N4BP2: variants seen among roughly 807,000 people sequenced by gnomAD.
The protein encoded by N4BP2 is NEDD4-binding protein 2.
In N4BP2, 91 loss-of-function variants were observed where a neutral mutation model predicts 152.8. The observed-to-expected ratio is 0.60, with a 90% CI of 0.50 to 0.71. The LOEUF (loss-of-function observed/expected upper bound fraction) is 0.71. N4BP2 is among the 30% of genes least tolerant of loss of function. The pLI is 0.00. For missense variants in N4BP2, 1,923 were observed against 2,059.1 expected (o/e 0.93, Z 1.28); for synonymous variants, 646 against 705.3 (o/e 0.92, Z 1.33).
chr4:40,184,433 G>C, the N4BP2 span, among the ~76,000 whole-genome samples: 1 of 151,380 alleles, frequency 6.6e-6, no homozygotes, highest in Non-Finnish European at 1.5e-5. Context: ...GAGAATCACT[G>C]AAGAGAATAA....
chr4:40,128,579 G>A (rs1718636389), intron 12 of N4BP2, among the ~76,000 whole-genome samples: 2 of 150,618 alleles, frequency 1.3e-5, no homozygotes, highest in South Asian at 4.2e-4. Context: ...CCAGGCTGGA[G>A]TGCAGTGGTG....
chr4:40,061,899 G>T (rs1445519026), intron 1 of N4BP2, among the ~76,000 whole-genome samples: 1 of 151,166 alleles, frequency 6.6e-6, no homozygotes, highest in Non-Finnish European at 1.5e-5. Flanking sequence ...TCCTGACCTC[G>T]GGTGATCTGC....
intron 14 of N4BP2, among the ~76,000 whole-genome samples, chr4:40,137,782 G>A (rs1489034092): frequency 7.9e-5 from 12 of 152,164 alleles, no homozygotes; most frequent in Admixed American, 7.9e-4. Flanking sequence ...TCTATGGGAA[G>A]GAATGGGTAA....
intron 5 of N4BP2, among the ~76,000 whole-genome samples, chr4:40,108,058 G>T (rs1419295628): frequency 6.6e-6 from 1 of 151,644 alleles, no homozygotes; most frequent in Non-Finnish European, 1.5e-5. Flanking sequence ...AGCCTGAGTA[G>T]TTGGGACTAT....
rs1317628873 is a variant in N4BP2, at chr4:40,156,274, A to G, written c.*2037A>G. On this transcript the variant is annotated 3_prime_UTR_variant, in exon 18 of 18. Coordinates refer to ENST00000261435, the MANE Select transcript of N4BP2 (RefSeq NM_018177.6). ...CGGCACTTCAGCTAGACTTATTTCA[A>G]TATTATAATTATGATTAATGAAGGA... is the stretch of plus-strand genomic sequence containing the variant. 2.6e-5 allele frequency: 4 copies of G among 152,148 alleles called. No individual in the cohort carries two copies. The highest frequency in any genetic ancestry group is 1.3e-4 in the Admixed American group (2 of 15,274). 9.4% of individuals were successfully genotyped at this position (152,148 alleles called of 1,614,324 possible). A position where few individuals can be genotyped will look rare whatever the true frequency, so the allele number is the denominator to read the frequency against.
chr4:40,075,477 CA>C (rs1712639633), intron 2 of N4BP2, among the ~76,000 whole-genome samples: 1 of 152,130 alleles, frequency 6.6e-6, no homozygotes, highest in Non-Finnish European at 1.5e-5. Context: ...TAGCTCACTG[CA>C]ACCTCTGCCT....
At chr4:40,174,126 C>T in the N4BP2 span, among the ~76,000 whole-genome samples, 3 of 152,158 alleles carry the variant, frequency 2.0e-5, no homozygotes, top group Non-Finnish European at 4.4e-5. Flanking sequence ...TGCCTAATTC[C>T]AGCACTTTGG....
intron 2 of N4BP2, among the ~76,000 whole-genome samples, chr4:40,077,285 C>T (rs934571561): frequency 1.3e-5 from 2 of 150,840 alleles, no homozygotes; most frequent in Non-Finnish European, 2.9e-5. Flanking sequence ...GTAGTTGGGA[C>T]TACAGGTGTG....
chr4:40,163,356 G>A, the N4BP2 span, among the ~76,000 whole-genome samples: 1 of 152,142 alleles, frequency 6.6e-6, no homozygotes, highest in Non-Finnish European at 1.5e-5. Context: ...TTTTTGTTCA[G>A]GCATCTGGTG....
In N4BP2 at chr4:40,103,206, CT is replaced by C; in HGVS notation, c.1367del (p.Leu456TrpfsTer23). ...AGAGGTCTTCCGGGATCTGGAAAAT[CT>C]TTTTTGGCAAGGTATGAGGTTTGAT... Reference protein sequence around the residue: ...LLRGLPGSGKSFLARTLQEDN... With the variant: ...LLRGLPGSGKXFLARTLQEDN... On this transcript the variant is annotated frameshift_variant, in exon 4 of 18. Transcript: ENST00000261435. LOFTEE classifies it high-confidence loss of function. 1.2e-6 allele frequency: 2 copies of C among 1,603,874 alleles called. No homozygotes were observed. The highest frequency in any genetic ancestry group is 8.5e-7 in the Non-Finnish European group (1 of 1,175,518).
At chr4:40,150,680 A>AAG (rs1461052785) in intron 16 of N4BP2, among the ~76,000 whole-genome samples, 1 of 151,796 alleles carries the variant, frequency 6.6e-6, no homozygotes, top group Non-Finnish European at 1.5e-5. Context: ...CAGGGGGAAA[A>AAG]AAAAAAAAGA....
Position 40,156,791 on chromosome 4 carries a change from G to A in N4BP2, c.*2554G>A, listed in dbSNP as rs1579173043. 1 of 152,064 alleles carries A rather than the reference G, an allele frequency of 6.6e-6. No homozygotes were observed. Among genetic ancestry groups the A allele is most frequent in the East Asian group, 1.9e-4 (1 of 5,202 alleles). 9.4% of individuals were successfully genotyped at this position (152,064 alleles called of 1,614,324 possible). ...GAAATTTTTCGAGCACAGACATGAT[G>A]CTCAAAGGAAATACTCACAGAGCAT... On this transcript the variant is annotated 3_prime_UTR_variant, in exon 18 of 18. Coordinates refer to ENST00000261435, the MANE Select transcript of N4BP2 (RefSeq NM_018177.6).
downstream of N4BP2, among the ~76,000 whole-genome samples, chr4:40,158,422 A>G (rs541985508): frequency 8.5e-5 from 13 of 152,304 alleles, no homozygotes; most frequent in African/African-American, 2.9e-4. Context: ...ATAAGAGTCT[A>G]CTTTTGAACC....
rs11290025 is a variant in N4BP2 at position 40,107,926 on chromosome 4, C to CT, written c.1498+917dup. Among the ~76,000 whole-genome samples the CT allele has an allele frequency of 8.9e-3, 1,280 of 144,038 alleles. 10 individuals are homozygous for CT. Among genetic ancestry groups the CT allele is most frequent in the Non-Finnish European group, 0.014 (925 of 65,762 alleles). 94.5% of individuals were successfully genotyped at this position (144,038 alleles called of 152,430 possible). Reference sequence around the variant, plus strand: ...GAAATTGCAGTTGTTTCCTATGTATCTTTTTTTTTTTTTTTGACACAGTAT... The same window carrying CT: ...GAAATTGCAGTTGTTTCCTATGTATCTTTTTTTTTTTTTTTTGACACAGTAT... On this transcript the variant is annotated intron_variant, in intron 5 of 17. Transcript: ENST00000261435.
intron 2 of N4BP2, among the ~76,000 whole-genome samples, chr4:40,086,538 G>A (rs560145079): frequency 1.5e-4 from 23 of 151,656 alleles, no homozygotes; most frequent in South Asian, 1.0e-3. Flanking sequence ...AGGTTTCACC[G>A]TGTTGGTCAG....
chr4:40,141,312 C>T (rs1198576788), intron 14 of N4BP2, among the ~76,000 whole-genome samples: 5 of 152,034 alleles, frequency 3.3e-5, no homozygotes, highest in East Asian at 3.9e-4. Context: ...CGGGCGGTGA[C>T]GCTCCTCACT....
rs749755513 is a variant in N4BP2 at position 40,144,785 on chromosome 4, G to A, written c.5128G>A (p.Glu1710Lys). 2 of 1,611,234 alleles carry A rather than the reference G, an allele frequency of 1.2e-6. No individual in the cohort carries two copies. The highest frequency in any genetic ancestry group is 2.2e-5 in the South Asian group (2 of 90,376). The change falls in exon 16 of 18, where the codon GAG becomes AAG. Residue 1710 changes from glutamate (E) to lysine (K), a missense_variant. Physicochemically the swap from Glu to Lys is moderately conservative, Grantham distance 56 (BLOSUM62 1). Coordinates refer to ENST00000261435, the MANE Select transcript of N4BP2 (RefSeq NM_018177.6). The stretch of plus-strand genomic sequence containing the variant: ...TCTAGAACATTTGATGAGAGTTTTA[G>A]AGAAGAAGACTGAAGGTAGGACTGT... Reference protein sequence around the residue: ...EALEHLMRVLEKKTEEFKQNG... With the variant: ...EALEHLMRVLKKKTEEFKQNG...
At chr4:40,164,105 C>G in the N4BP2 span, among the ~76,000 whole-genome samples, 1 of 152,094 alleles carries the variant, frequency 6.6e-6, no homozygotes, top group Admixed American at 6.6e-5. Context: ...AGACAAAATT[C>G]ACGATGCTGT....
chr4:40,060,544 C>T (rs1255620679), intron 1 of N4BP2, among the ~76,000 whole-genome samples: 7 of 152,042 alleles, frequency 4.6e-5, no homozygotes, highest in East Asian at 3.8e-4. Flanking sequence ...TGTGCCCGGC[C>T]GCACATACTT....
Sources: gnomAD v4.1 joint callset for allele counts (sites outside exome capture counted in the v4.1 genomes callset) on GRCh38, gnomAD v4.1.1 for gene constraint, MANE v1.5 for transcripts, NCBI Gene and HGNC (gene_info 2026-07-23, HGNC 2026-07-21) for gene names.